Variants in BAZ1A observed in about 807,000 individuals in gnomAD.
The protein encoded by BAZ1A is bromodomain adjacent to zinc finger domain 1A.
A neutral mutation model predicts 185.2 loss-of-function variants in BAZ1A; 50 were observed. The ratio of observed to expected loss-of-function variants is 0.27; its 90% CI spans 0.22 to 0.34. The LOEUF (loss-of-function observed/expected upper bound fraction) is 0.34, where lower values mean the gene tolerates loss of function less well. Among genes scored for constraint, BAZ1A ranks in the 10% least tolerant of loss-of-function variants. BAZ1A has a pLI of 1.00. For missense variants in BAZ1A, 1,356 were observed against 1,839.9 expected, an observed-to-expected ratio of 0.74 and a Z score of 4.81; for synonymous variants, 571 against 615.6, an observed-to-expected ratio of 0.93 and a Z score of 1.07.
intron 23 of BAZ1A, among the ~76,000 whole-genome samples, chr14:34,764,230 T>C (rs532735102): frequency 1.9e-4 from 29 of 151,956 alleles, no homozygotes; most frequent in Non-Finnish European, 3.4e-4. Flanking sequence ...TGAATGTTTA[T>C]AATATATAAA....
intron 3 of BAZ1A, among the ~76,000 whole-genome samples, chr14:34,834,394 C>G (rs1020303409): frequency 2.0e-5 from 3 of 152,062 alleles, no homozygotes; most frequent in Non-Finnish European, 4.4e-5. Flanking sequence ...GATGTGAGGC[C>G]TAAAGTGGTC....
intron 7 of BAZ1A, 78 bp from the exon 8 acceptor site, chr14:34,801,271 T>A: frequency 1.1e-6 from 1 of 938,302 alleles, no homozygotes; most frequent in Non-Finnish European, 1.6e-6. Flanking sequence ...TCTCACCAAT[T>A]ACACTTTCTT....
chr14:34,832,518 CAAG>C (rs2042264825), intron 3 of BAZ1A, among the ~76,000 whole-genome samples: 1 of 150,638 alleles, frequency 6.6e-6, no homozygotes, highest in South Asian at 2.1e-4. Flanking sequence ...GACATTTCTC[CAAG>C]AAGATACAAA....
chr14:34,764,590 C>T, intron 23 of BAZ1A, 117 bp downstream of exon 23: 1 of 1,372,746 alleles, frequency 7.3e-7, no homozygotes, highest in Non-Finnish European at 9.8e-7. Flanking sequence ...CCGTGTCCAG[C>T]CTATATATTA....
intron 3 of BAZ1A, among the ~76,000 whole-genome samples, chr14:34,860,513 A>G (rs1487000400): frequency 7.3e-6 from 1 of 137,202 alleles, no homozygotes; most frequent in Non-Finnish European, 1.6e-5. Flanking sequence ...ATCTATACCA[A>G]AAGTTAAAAA....
At chr14:34,835,796 C>T (rs1464751838) in intron 3 of BAZ1A, among the ~76,000 whole-genome samples, 4 of 151,366 alleles carry the variant, frequency 2.6e-5, no homozygotes, top group South Asian at 2.1e-4. Flanking sequence ...CTCAGCCTCC[C>T]GAGTAGCTGG....
chr14:34,864,024 T>C (rs1471098547), intron 2 of BAZ1A, among the ~76,000 whole-genome samples: 1 of 152,042 alleles, frequency 6.6e-6, no homozygotes, highest in Admixed American at 6.6e-5. Flanking sequence ...GGTCTCACTA[T>C]GTTGCCCAGG....
At chr14:34,839,827 G>A (rs548471374) in intron 3 of BAZ1A, among the ~76,000 whole-genome samples, 4 of 117,834 alleles carry the variant, frequency 3.4e-5, no homozygotes, top group Non-Finnish European at 5.4e-5. Context: ...GCGACAAAGC[G>A]AGCCTCTGTT....
intron 9 of BAZ1A, among the ~76,000 whole-genome samples, chr14:34,796,167 C>CAT (rs1881185068): frequency 6.8e-6 from 1 of 147,214 alleles, no homozygotes. Flanking sequence ...CATATACATA[C>CAT]ACACACACAC....
intron 3 of BAZ1A, among the ~76,000 whole-genome samples, chr14:34,831,058 ATCTC>A (rs2138728478): frequency 6.6e-6 from 1 of 152,298 alleles, no homozygotes; most frequent in African/African-American, 2.4e-5. Context: ...ATTGGGCTAA[ATCTC>A]TATTCTCTGA....
intron 3 of BAZ1A, among the ~76,000 whole-genome samples, chr14:34,848,918 A>G (rs2042556306): frequency 6.6e-6 from 1 of 152,212 alleles, no homozygotes; most frequent in South Asian, 2.1e-4. Flanking sequence ...GGCTAGCAAA[A>G]GAAGCTTTAT....
Position 34,754,928 on chromosome 14 carries a change from C to A in BAZ1A, c.4387-14G>T. The A allele has an allele frequency of 6.4e-7, 1 of 1,555,872 alleles. No individual in the cohort carries two copies. On this transcript the variant is annotated splice_polypyrimidine_tract_variant and intron_variant, in intron 25 of 26. Coordinates refer to ENST00000360310, the MANE Select transcript of BAZ1A (RefSeq NM_013448.3). ...GTAGTCTGGGACCTGTAAAATAATT[C>A]AAATATCTCTGTCCACACAGAAAAC...
chr14:34,795,771 A>C lies in BAZ1A; in HGVS notation c.1129-6T>G. The C allele has an allele frequency of 6.2e-7, 1 of 1,603,292 alleles. No homozygotes were observed. The highest frequency in any genetic ancestry group is 8.5e-7 in the Non-Finnish European group (1 of 1,173,402). ...TCACGTAACTTCTCTCTTTCCTAGA[A>C]ATTTTTAAAAGTTAATAACAATTCA... On this transcript the variant is annotated splice_region_variant and splice_polypyrimidine_tract_variant and intron_variant, in intron 9 of 26. Transcript: ENST00000360310.
At chr14:34,873,649 C>G (rs576373412) in intron 2 of BAZ1A, among the ~76,000 whole-genome samples, 69 of 152,332 alleles carry the variant, frequency 4.5e-4, no homozygotes, top group Non-Finnish European at 8.2e-4. Flanking sequence ...CCGCGCTTCC[C>G]GGCTATGCGA....
intron 4 of BAZ1A, among the ~76,000 whole-genome samples, chr14:34,811,344 T>C (rs2041927552): frequency 6.6e-6 from 1 of 152,180 alleles, no homozygotes; most frequent in Non-Finnish European, 1.5e-5. Flanking sequence ...CGTTTCACCA[T>C]TGGTCAGGCT....
At chr14:34,764,293 T>TTC in intron 23 of BAZ1A, among the ~76,000 whole-genome samples, 1 of 144,254 alleles carries the variant, frequency 6.9e-6, no homozygotes, top group East Asian at 2.0e-4. Flanking sequence ...TCTTTTCTTT[T>TTC]TTTTTTTTTT....
intron 26 of BAZ1A, among the ~76,000 whole-genome samples, chr14:34,754,592 A>G (rs1467787531): frequency 6.6e-6 from 1 of 152,138 alleles, no homozygotes; most frequent in Non-Finnish European, 1.5e-5. Context: ...TTTGAGTAAG[A>G]TCAGATCTAT....
chr14:34,802,973 T>C lies in BAZ1A; in HGVS notation c.742A>G (p.Thr248Ala), dbSNP rs367680176. The part of the protein sequence containing the change: ...VIKIKASSLS[T>A]YKIAEQDFSY... ...AAATCTTGTTCTGCTATTTTATACGTTGAAAGAGATGATGCCTTAATAAAA... is the reference window on the plus strand; with the variant it reads ...AAATCTTGTTCTGCTATTTTATACGCTGAAAGAGATGATGCCTTAATAAAA... The change falls in exon 7 of 27, where the codon ACG (threonine) becomes GCG (alanine). Residue 248 changes from threonine to alanine, a missense_variant. By Grantham distance (58) the Thr-to-Ala change is moderately conservative. This residue lies in a region of BAZ1A where 332 missense variants were observed against 395.3 expected (regional missense o/e 0.84). Transcript: ENST00000360310. The C allele has an allele frequency of 6.2e-7, 1 of 1,610,840 alleles. No individual in the cohort carries two copies. Among genetic ancestry groups the C allele is most frequent in the Admixed American group, 1.7e-5 (1 of 60,000 alleles).
chr14:34,788,660 A>T (rs1880653837), intron 12 of BAZ1A, among the ~76,000 whole-genome samples: 3 of 152,106 alleles, frequency 2.0e-5, no homozygotes, highest in African/African-American at 2.4e-5. Flanking sequence ...CCAAAAAAAA[A>T]AATTTTTTTT....
Sources: allele counts gnomAD v4.1 joint callset (sites outside exome capture counted in the v4.1 genomes callset), GRCh38; gene constraint gnomAD v4.1.1; regional missense constraint gnomAD v4.1.1; transcripts MANE v1.5; gene names NCBI Gene and HGNC (gene_info 2026-07-23, HGNC 2026-07-21).